RBFOX1: variants seen among roughly 807,000 people sequenced by gnomAD.
RBFOX1 encodes the protein RNA binding protein fox-1 homolog 1.
Under a neutral mutation model 57.7 loss-of-function variants are expected in RBFOX1, and 8 were observed. The ratio of observed to expected loss-of-function variants is 0.14; its 90% CI spans 0.08 to 0.25. The LOEUF (loss-of-function observed/expected upper bound fraction) is 0.25, where lower values mean the gene tolerates loss of function less well. Ranked by LOEUF, RBFOX1 falls within the 10% of genes least tolerant of loss-of-function variation. RBFOX1 has a pLI of 1.00. For synonymous variants in RBFOX1, 326 were observed against 222.4 expected, an observed-to-expected ratio of 1.47 and a Z score of -4.15; for missense variants, 611 against 548.5, an observed-to-expected ratio of 1.11 and a Z score of -1.14.
chr16:7,670,160 T>G (rs1292101199), intron 13 of RBFOX1, among the ~76,000 whole-genome samples: 2 of 152,106 alleles, frequency 1.3e-5, no homozygotes, highest in African/African-American at 2.4e-5. Context: ...GCCTCCCAGA[T>G]AGCTGAGACT....
chr16:5,269,016 G>C (rs764541031), intron 1 of RBFOX1, among the ~76,000 whole-genome samples: 1 of 151,916 alleles, frequency 6.6e-6, no homozygotes, highest in Admixed American at 6.6e-5. Flanking sequence ...CCAGATTCAA[G>C]TTACTCTCCT....
chr16:5,630,079 C>T (rs1381880405), intron 3 of RBFOX1, among the ~76,000 whole-genome samples: 2 of 152,200 alleles, frequency 1.3e-5, no homozygotes, highest in Admixed American at 6.5e-5. Flanking sequence ...TTCCACCTAT[C>T]TTTATCCACT....
chr16:7,579,377 T>A (rs766294011), intron 5 of RBFOX1, among the ~76,000 whole-genome samples: 5 of 152,182 alleles, frequency 3.3e-5, no homozygotes, highest in Non-Finnish European at 7.4e-5. Context: ...TTAAAGATTA[T>A]TACCCCCTTC....
Position 7,330,598 on chromosome 16 carries a change from C to T in RBFOX1, c.28-187549C>T, listed in dbSNP as rs77369093. Among the ~76,000 whole-genome samples the T allele has an allele frequency of 3.9e-3, 582 of 150,382 alleles. 6 individuals are homozygous for T. Among genetic ancestry groups the T allele is most frequent in the African/African-American group, 0.014 (554 of 40,882 alleles). Reference sequence around the variant, plus strand: ...CTATCTTCTCTGCAGTTTCCAGCTACCTCTTCCTCAAGTTTGCTTATTGAA... The same window carrying T: ...CTATCTTCTCTGCAGTTTCCAGCTATCTCTTCCTCAAGTTTGCTTATTGAA... On this transcript the variant is annotated intron_variant, in intron 4 of 15. Coordinates refer to ENST00000550418, the MANE Select transcript of RBFOX1 (RefSeq NM_018723.4).
chr16:7,594,784 T>G (rs2094604574), intron 7 of RBFOX1, among the ~76,000 whole-genome samples: 1 of 152,212 alleles, frequency 6.6e-6, no homozygotes, highest in Non-Finnish European at 1.5e-5. Context: ...TTTCCCTTTC[T>G]GGTTAACAAA....
At chr16:6,327,879 A>G (rs1200722089) in intron 2 of RBFOX1, among the ~76,000 whole-genome samples, 1 of 152,138 alleles carries the variant, frequency 6.6e-6, no homozygotes, top group Non-Finnish European at 1.5e-5. Context: ...TTACTGTTCT[A>G]TCCATAAATT....
intron 3 of RBFOX1, among the ~76,000 whole-genome samples, chr16:5,791,531 A>G (rs1301512733): frequency 6.6e-6 from 1 of 152,130 alleles, no homozygotes; most frequent in Non-Finnish European, 1.5e-5. Flanking sequence ...TGGCACAGTA[A>G]CTGACAGGCA....
intron 3 of RBFOX1, among the ~76,000 whole-genome samples, chr16:6,798,467 T>C (rs552152802): frequency 3.3e-4 from 51 of 152,276 alleles, no homozygotes; most frequent in Admixed American, 2.1e-3. Flanking sequence ...TAATTCAGAA[T>C]GGCAGGGAGC....
At chr16:6,296,664 C>G (rs765653142) in intron 1 of RBFOX1, among the ~76,000 whole-genome samples, 1 of 152,152 alleles carries the variant, frequency 6.6e-6, no homozygotes, top group Non-Finnish European at 1.5e-5. Flanking sequence ...TTGTGATCCA[C>G]CTGCCTCGGC....
chr16:6,282,424 G>A (rs1258899775), intron 1 of RBFOX1, among the ~76,000 whole-genome samples: 1 of 144,070 alleles, frequency 6.9e-6, no homozygotes, highest in Non-Finnish European at 1.5e-5. Context: ...GAGTGTGCAA[G>A]TTTGTTACAC....
At chr16:6,329,160 C>T (rs981273765) in intron 2 of RBFOX1, among the ~76,000 whole-genome samples, 4 of 152,126 alleles carry the variant, frequency 2.6e-5, no homozygotes, top group African/African-American at 9.7e-5. Flanking sequence ...TGCTGAATTC[C>T]TACCTGACTC....
At chr16:7,669,857 T>G (rs2070787655) in intron 13 of RBFOX1, among the ~76,000 whole-genome samples, 1 of 152,196 alleles carries the variant, frequency 6.6e-6, no homozygotes, top group South Asian at 2.1e-4. Flanking sequence ...GGATTGGCAT[T>G]TGACTTGCCG....
chr16:6,717,639 C>G (rs544604415), intron 3 of RBFOX1, among the ~76,000 whole-genome samples: 1 of 150,838 alleles, frequency 6.6e-6, no homozygotes, highest in Non-Finnish European at 1.5e-5. Context: ...CATCCTGGAT[C>G]GACTCTCTGT....
chr16:6,829,195 C>A (rs1445540153), intron 3 of RBFOX1, among the ~76,000 whole-genome samples: 3 of 149,668 alleles, frequency 2.0e-5, no homozygotes, highest in East Asian at 3.9e-4. Flanking sequence ...TCAGATGTGT[C>A]ATTTGACCCA....
chr16:6,620,265 T>G (rs956094734), intron 2 of RBFOX1, among the ~76,000 whole-genome samples: 3 of 152,148 alleles, frequency 2.0e-5, no homozygotes, highest in Admixed American at 2.0e-4. Flanking sequence ...ATAATGAAAT[T>G]AAGGCAGAAA....
chr16:6,900,901 T>C (rs2068314707), intron 3 of RBFOX1, among the ~76,000 whole-genome samples: 3 of 152,154 alleles, frequency 2.0e-5, no homozygotes, highest in Admixed American at 2.0e-4. Context: ...AACTGCTAGA[T>C]CCCCAGCATT....
intron 3 of RBFOX1, among the ~76,000 whole-genome samples, chr16:6,932,435 C>G (rs1300868186): frequency 6.6e-6 from 1 of 152,146 alleles, no homozygotes; most frequent in Non-Finnish European, 1.5e-5. Context: ...TCTCACCTCA[C>G]AATACCATTA....
chr16:5,500,222 G>T (rs182284743), intron 2 of RBFOX1, among the ~76,000 whole-genome samples: 1 of 106,804 alleles, frequency 9.4e-6, no homozygotes, highest in South Asian at 2.8e-4. Context: ...ATTCCGTTCC[G>T]TTCCGTTCCA....
intron 3 of RBFOX1, among the ~76,000 whole-genome samples, chr16:6,706,046 G>C (rs2062682740): frequency 2.0e-5 from 3 of 152,144 alleles, no homozygotes. Context: ...GATAGATATA[G>C]GTTAGATGGA....
Sources: allele counts gnomAD v4.1 joint callset (sites outside exome capture counted in the v4.1 genomes callset), GRCh38; gene constraint gnomAD v4.1.1; transcripts MANE v1.5; gene names NCBI Gene and HGNC (gene_info 2026-07-23, HGNC 2026-07-21).